NCMAP: variants seen among roughly 807,000 people sequenced by gnomAD.
NCMAP encodes the protein non-compact myelin associated protein, also known as noncompact myelin-associated protein.
Under a neutral mutation model 7.8 loss-of-function variants are expected in NCMAP, and 8 were observed. The observed-to-expected ratio is 1.02, with a 90% CI of 0.60 to 1.84. NCMAP has a LOEUF of 1.84. NCMAP is among the 40% of genes most tolerant of loss of function. The pLI, the probability that NCMAP is intolerant of heterozygous loss-of-function variation, is 0.00. For synonymous variants in NCMAP, 41 were observed against 52.9 expected, an observed-to-expected ratio of 0.78 and a Z score of 0.98; for missense variants, 112 against 131.4, an observed-to-expected ratio of 0.85 and a Z score of 0.72.
In NCMAP at chr1:24,595,610, G is replaced by T; in HGVS notation, c.82+98G>T. 6.4e-6 allele frequency: 6 copies of T among 940,340 alleles called. No homozygotes were observed. The South Asian group carries it at 7.8e-5, about 12-fold the overall frequency. 58.2% of individuals were successfully genotyped at this position (940,340 alleles called of 1,614,324 possible). A position where few individuals can be genotyped will look rare whatever the true frequency, so the allele number is the denominator to read the frequency against. On this transcript the variant is annotated intron_variant, in intron 2 of 3. Coordinates refer to ENST00000374392, the MANE Select transcript of NCMAP (RefSeq NM_001010980.5). ...AGAGTGTGGGCTCTGGAGGTGGACTGCCTGGGTCTCAGGCCCAGTTCTGCC... is the reference window on the plus strand; with the variant it reads ...AGAGTGTGGGCTCTGGAGGTGGACTTCCTGGGTCTCAGGCCCAGTTCTGCC...
intron 1 of NCMAP, among the ~76,000 whole-genome samples, chr1:24,557,474 T>G (rs1202655491): frequency 4.6e-5 from 7 of 151,954 alleles, no homozygotes; most frequent in Non-Finnish European, 1.0e-4. Context: ...CGTGTGTGTG[T>G]TGGTGGTGGT....
chr1:24,584,229 C>T (rs1004991870), intron 1 of NCMAP, among the ~76,000 whole-genome samples: 1 of 152,130 alleles, frequency 6.6e-6, no homozygotes, highest in Non-Finnish European at 1.5e-5. Flanking sequence ...TTGGCTTGAG[C>T]CCAGAGACTG....
rs78289499 is a variant in NCMAP, at chr1:24,602,230, G to A, written c.167+1206G>A. ...GTCTTAACAACTGGTGTGTCTACAT[G>A]ATGGCATTGTTAGTTTTTGCTGGGA... is the stretch of plus-strand genomic sequence containing the variant. On this transcript the variant is annotated intron_variant, in intron 3 of 3. Transcript: ENST00000374392. Among the ~76,000 whole-genome samples the A allele has an allele frequency of 1.4e-3, 209 of 152,246 alleles. 2 individuals carry two copies. In the East Asian group the frequency reaches 0.022, roughly 16 times the overall value.
At chr1:24,562,213 A>G (rs1383514024) in intron 1 of NCMAP, among the ~76,000 whole-genome samples, 1 of 152,212 alleles carries the variant, frequency 6.6e-6, no homozygotes, top group East Asian at 1.9e-4. Flanking sequence ...TCCCAGTAAC[A>G]GCGTCATTCG....
At chr1:24,596,412 G>A (rs1652227547) in intron 2 of NCMAP, among the ~76,000 whole-genome samples, 1 of 152,238 alleles carries the variant, frequency 6.6e-6, no homozygotes, top group Non-Finnish European at 1.5e-5. Context: ...GCTGGGCATG[G>A]TGGCTCATGC....
intron 1 of NCMAP, among the ~76,000 whole-genome samples, chr1:24,564,339 A>G (rs543641131): frequency 1.3e-5 from 2 of 151,970 alleles, no homozygotes; most frequent in South Asian, 2.1e-4. Context: ...GTGAAACCCC[A>G]TCACTACTAA....
intron 1 of NCMAP, among the ~76,000 whole-genome samples, chr1:24,559,236 G>A (rs954614669): frequency 8.2e-4 from 125 of 152,064 alleles, no homozygotes; most frequent in African/African-American, 3.0e-3. Flanking sequence ...TTCCCCTATC[G>A]GTTTCCCCAT....
At position 24,605,845 on chromosome 1, in the gene NCMAP, T is replaced by C; in HGVS notation, c.*98T>C. The C allele has an allele frequency of 7.0e-7, 1 of 1,433,948 alleles. No homozygotes were observed. Among genetic ancestry groups the C allele is most frequent in the Non-Finnish European group, 9.6e-7 (1 of 1,043,188 alleles). 88.8% of individuals were successfully genotyped at this position (1,433,948 alleles called of 1,614,324 possible). On this transcript the variant is annotated 3_prime_UTR_variant, in exon 4 of 4. Transcript: ENST00000374392. ...TGGCAGCTTCACAATGAGCTTCTTC[T>C]GGTCAGGTCGACAGAGACATCTTTG... is the stretch of plus-strand genomic sequence containing the variant.
chr1:24,572,028 G>A (rs946887615), intron 1 of NCMAP, among the ~76,000 whole-genome samples: 1 of 150,888 alleles, frequency 6.6e-6, no homozygotes, highest in Non-Finnish European at 1.5e-5. Flanking sequence ...GTGGCCAGGG[G>A]CACCACGCTG....
At chr1:24,570,897 G>C (rs543086851) in intron 1 of NCMAP, among the ~76,000 whole-genome samples, 2 of 150,912 alleles carry the variant, frequency 1.3e-5, no homozygotes, top group Non-Finnish European at 2.9e-5. Flanking sequence ...AGTTGGTGTT[G>C]GTAGGAGAGG....
rs954791572 is a variant in NCMAP, at chr1:24,594,020, T to C, written c.-7-1404T>C. On this transcript the variant is annotated intron_variant, in intron 1 of 3. Transcript: ENST00000374392. Reference sequence around the variant, plus strand: ...GATCCTCCTGCCTCAGCCTCCCGAGTAGCCGGGATTACAGGCACCCACCAC... The same window carrying C: ...GATCCTCCTGCCTCAGCCTCCCGAGCAGCCGGGATTACAGGCACCCACCAC... 1.2e-4 allele frequency among the ~76,000 whole-genome samples: 18 copies of C among 150,448 alleles called. No homozygotes were observed. In the East Asian group the frequency reaches 3.2e-3, roughly 27 times the overall value.
In NCMAP at chr1:24,600,974, T is replaced by C. The variant is rs772469044; in HGVS notation, c.117T>C (p.Val39=). The change falls in exon 3 of 4, where the codon GTT becomes GTC. Residue 39 remains valine, a synonymous_variant. Transcript: ENST00000374392. ...SGAIVAAVVV[V]VIIIFTVVLI... ...CCATTGTTGCTGCCGTTGTGGTGGT[T>C]GTCATCATCATCTTCACCGTGGTTC... 2 of 1,614,172 alleles carry C rather than the reference T, an allele frequency of 1.2e-6. No homozygotes were observed. The highest frequency in any genetic ancestry group is 1.7e-5 in the Admixed American group (1 of 60,024).
At chr1:24,588,331 A>G (rs1036330991) in intron 1 of NCMAP, among the ~76,000 whole-genome samples, 1 of 152,150 alleles carries the variant, frequency 6.6e-6, no homozygotes, top group African/African-American at 2.4e-5. Context: ...TGTGGAGGAG[A>G]TCAAGTCCTG....
rs1199686035 is a variant in NCMAP at position 24,575,874 on chromosome 1, G to C, written c.-7-19550G>C. The stretch of plus-strand genomic sequence containing the variant: ...GCAGGAGAATTGCTTGAACCCAGGA[G>C]GCGGAGGTTGCAATGAGCCGAGATC... On this transcript the variant is annotated intron_variant, in intron 1 of 3. Transcript: ENST00000374392. 2.8e-5 allele frequency among the ~76,000 whole-genome samples: 4 copies of C among 143,234 alleles called. No homozygotes were observed. The East Asian group carries it at 8.2e-4, about 29-fold the overall frequency. The allele number at this position is 143,234 out of a possible 152,430, so 94.0% of individuals were successfully genotyped here. A position where few individuals can be genotyped will look rare whatever the true frequency, so the allele number is the denominator to read the frequency against.
At chr1:24,572,316 G>T (rs2148928066) in intron 1 of NCMAP, among the ~76,000 whole-genome samples, 1 of 150,792 alleles carries the variant, frequency 6.6e-6, no homozygotes, top group South Asian at 2.1e-4. Context: ...TCCCCAAGAA[G>T]GACTCTCCCG....
At chr1:24,586,223 A>G (rs1160070101) in intron 1 of NCMAP, among the ~76,000 whole-genome samples, 1 of 152,194 alleles carries the variant, frequency 6.6e-6, no homozygotes, top group East Asian at 1.9e-4. Flanking sequence ...TTGCTGGGTC[A>G]TGAGCCCCGA....
At chr1:24,562,966 T>C (rs1250273832) in intron 1 of NCMAP, among the ~76,000 whole-genome samples, 1 of 150,026 alleles carries the variant, frequency 6.7e-6, no homozygotes, top group Non-Finnish European at 1.5e-5. Context: ...GACAGAGAGC[T>C]GGCATCCCTG....
intron 1 of NCMAP, among the ~76,000 whole-genome samples, chr1:24,582,158 G>A (rs1337137764): frequency 8.6e-5 from 13 of 152,026 alleles, no homozygotes; most frequent in East Asian, 1.9e-4. Context: ...TGCTCGTGCC[G>A]ACCACCCCCT....
chr1:24,576,273 A>G lies in NCMAP; in HGVS notation c.-7-19151A>G, dbSNP rs1160743886. 6.6e-6 allele frequency among the ~76,000 whole-genome samples: 1 copy of G among 152,214 alleles called. No individual in the cohort carries two copies. Among genetic ancestry groups the G allele is most frequent in the African/African-American group, 2.4e-5 (1 of 41,464 alleles). ...CACTGCTGCTTGAGAGGGTGGGAAG[A>G]AAAGACAGGCGGCAGGCCAAGACGA... On this transcript the variant is annotated intron_variant, in intron 1 of 3. Transcript: ENST00000374392. The surrounding 1 kb of genome is among the most constrained non-coding windows in gnomAD (Gnocchi z 4.0).
Sources: allele counts gnomAD v4.1 joint callset (sites outside exome capture counted in the v4.1 genomes callset), GRCh38; gene constraint gnomAD v4.1.1; non-coding constraint Gnocchi (gnomAD v3.1); transcripts MANE v1.5; gene names NCBI Gene and HGNC (gene_info 2026-07-23, HGNC 2026-07-21).